Variants in FOXO3 observed in about 807,000 individuals in gnomAD.
The protein encoded by FOXO3 is forkhead box O3.
FOXO3 carries 4 observed loss-of-function variants against 41.9 expected under a neutral mutation model. The ratio of observed to expected loss-of-function variants is 0.10; its 90% CI spans 0.05 to 0.22. The LOEUF (loss-of-function observed/expected upper bound fraction) is 0.22, where lower values mean the gene tolerates loss of function less well. FOXO3 is among the 10% of genes least tolerant of loss of function. The pLI, the probability that FOXO3 is intolerant of heterozygous loss-of-function variation, is 1.00. For synonymous variants in FOXO3, 318 were observed against 389.3 expected (o/e 0.82, Z 2.16); for missense variants, 534 against 906.8 (o/e 0.59, Z 5.28).
At chr6:108,638,988 A>G (rs945245024) in intron 1 of FOXO3, among the ~76,000 whole-genome samples, 4 of 152,110 alleles carry the variant, frequency 2.6e-5, no homozygotes, top group South Asian at 2.1e-4. Flanking sequence ...GTCCTTTTCC[A>G]CTGCGGTGTC....
At chr6:108,588,535 C>G (rs1776648322) in intron 1 of FOXO3, among the ~76,000 whole-genome samples, 1 of 152,204 alleles carries the variant, frequency 6.6e-6, no homozygotes. Context: ...CGTGCAGACA[C>G]ACAGACCATG....
At chr6:108,614,136 T>A (rs192025029) in intron 1 of FOXO3, among the ~76,000 whole-genome samples, 1 of 152,260 alleles carries the variant, frequency 6.6e-6, no homozygotes, top group East Asian at 1.9e-4. Context: ...ATTGTCTATC[T>A]TATTGAATGT....
chr6:108,663,497 C>A lies in FOXO3; in HGVS notation c.664C>A (p.Arg222=), dbSNP rs1244425367. ...HNLSLHSRFM[R]VQNEGTGKSS... ...CCTGTCACTGCATAGTCGATTCATG[C>A]GGGTCCAGAATGAGGGAACTGGCAA... is the stretch of plus-strand genomic sequence containing the variant. Residue 222 remains arginine (R), a synonymous_variant, in exon 2 of 3, where the codon CGG becomes AGG. Coordinates refer to ENST00000406360, the MANE Select transcript of FOXO3 (RefSeq NM_001455.4). 3.7e-6 allele frequency: 6 copies of A among 1,607,356 alleles called. No homozygotes were observed. Among genetic ancestry groups the A allele is most frequent in the Non-Finnish European group, 4.2e-6 (5 of 1,176,686 alleles).
intron 2 of FOXO3, among the ~76,000 whole-genome samples, chr6:108,668,275 G>A (rs1270571652): frequency 6.6e-6 from 1 of 152,184 alleles, no homozygotes; most frequent in Non-Finnish European, 1.5e-5. Context: ...CTTCTCTGGC[G>A]GGCTGGGTGT....
chr6:108,659,953 A>T (rs1778795740), intron 1 of FOXO3, among the ~76,000 whole-genome samples: 1 of 152,220 alleles, frequency 6.6e-6, no homozygotes, highest in African/African-American at 2.4e-5. Context: ...ATGCTAAAGT[A>T]CATTTTAAAA....
At chr6:108,672,451 C>G (rs1226742719) in intron 2 of FOXO3, among the ~76,000 whole-genome samples, 1 of 152,144 alleles carries the variant, frequency 6.6e-6, no homozygotes, top group African/African-American at 2.4e-5. Flanking sequence ...AATACATCGC[C>G]CTGTAGAGCC....
chr6:108,613,972 A>T (rs1351296410), intron 1 of FOXO3, among the ~76,000 whole-genome samples: 2 of 152,136 alleles, frequency 1.3e-5, no homozygotes, highest in African/African-American at 4.8e-5. Context: ...TTTGGTCTGC[A>T]GTTTGTTTAG....
At chr6:108,595,192 T>G in intron 1 of FOXO3, among the ~76,000 whole-genome samples, 1 of 152,204 alleles carries the variant, frequency 6.6e-6, no homozygotes, top group Non-Finnish European at 1.5e-5. Context: ...TAAAACATTC[T>G]TATTTCTGTT....
chr6:108,664,349 C>G lies in FOXO3; in HGVS notation c.1516C>G (p.Arg506Gly). 6.2e-7 allele frequency: 1 copy of G among 1,611,404 alleles called. No homozygotes were observed. The highest frequency in any genetic ancestry group is 8.5e-7 in the Non-Finnish European group (1 of 1,178,098). ...CACCGCTGTGTCTGCCCAGAATTCCCGCCGGAACGTGATGCTTCGCAATGA... is the reference window on the plus strand; with the variant it reads ...CACCGCTGTGTCTGCCCAGAATTCCGGCCGGAACGTGATGCTTCGCAATGA... ...ASTAVSAQNS[R>G]RNVMLRNDPM... Residue 506 changes from arginine (R) to glycine (G), a missense_variant, in exon 2 of 3, where the codon CGC (arginine) becomes GGC (glycine). Physicochemically the swap from Arg to Gly is moderately radical, Grantham distance 125 (BLOSUM62 -2). Coordinates refer to ENST00000406360, the MANE Select transcript of FOXO3 (RefSeq NM_001455.4).
At chr6:108,585,190 C>T (rs551499380) in intron 1 of FOXO3, among the ~76,000 whole-genome samples, 47 of 151,940 alleles carry the variant, frequency 3.1e-4, no homozygotes, top group Non-Finnish European at 5.6e-4. Flanking sequence ...TACAGGCGCC[C>T]GCCACCGCGC....
intron 1 of FOXO3, among the ~76,000 whole-genome samples, chr6:108,652,400 C>G (rs1169023933): frequency 2.0e-5 from 3 of 152,194 alleles, no homozygotes; most frequent in South Asian, 2.1e-4. Context: ...TTTTCCATCC[C>G]TTTCATAAGC....
rs191695185 is a variant in FOXO3 at position 108,660,388 on chromosome 6, G to A, written c.622-3067G>A. ...ATATATAGTCTCCTGGGCAACATTT[G>A]CCTTATCAGATACTCAGCATGTTGC... On this transcript the variant is annotated intron_variant, in intron 1 of 2. Coordinates refer to ENST00000406360, the MANE Select transcript of FOXO3 (RefSeq NM_001455.4). Among the ~76,000 whole-genome samples, 5 of 152,284 alleles carry A rather than the reference G, an allele frequency of 3.3e-5. No individual in the cohort carries two copies. In the East Asian group the frequency reaches 9.6e-4, roughly 29 times the overall value.
chr6:108,600,210 C>T (rs1777006527), intron 1 of FOXO3, among the ~76,000 whole-genome samples: 1 of 152,088 alleles, frequency 6.6e-6, no homozygotes, highest in Non-Finnish European at 1.5e-5. Context: ...ATTGATGTTC[C>T]ATCGATATGA....
chr6:108,640,574 A>G (rs961342153), intron 1 of FOXO3, among the ~76,000 whole-genome samples: 1 of 152,176 alleles, frequency 6.6e-6, no homozygotes. Context: ...TGTTTTTTTA[A>G]TGCATCGTTT....
At chr6:108,578,431 CAA>C (rs986312350) in intron 1 of FOXO3, among the ~76,000 whole-genome samples, 5 of 152,194 alleles carry the variant, frequency 3.3e-5, no homozygotes, top group African/African-American at 1.2e-4. Flanking sequence ...TGAAATATAA[CAA>C]AGCTCTAGCC....
At chr6:108,594,688 C>T (rs1030447029) in intron 1 of FOXO3, among the ~76,000 whole-genome samples, 4 of 152,172 alleles carry the variant, frequency 2.6e-5, no homozygotes, top group African/African-American at 9.7e-5. Context: ...CTGGTCTTTC[C>T]GGACCCCTTG....
At chr6:108,665,008 G>A in intron 2 of FOXO3, 119 bp downstream of exon 2, 7 of 1,122,536 alleles carry the variant, frequency 6.2e-6, no homozygotes, top group African/African-American at 1.6e-5. Flanking sequence ...TGGAGCAGTG[G>A]TGCACATAAT....
At chr6:108,563,692 T>C (rs1775876261) in intron 1 of FOXO3, among the ~76,000 whole-genome samples, 1 of 152,262 alleles carries the variant, frequency 6.6e-6, no homozygotes. Context: ...GGAAGGCGTT[T>C]TCACCTTTCC....
intron 1 of FOXO3, among the ~76,000 whole-genome samples, chr6:108,567,680 C>G (rs1775983039): frequency 6.6e-6 from 1 of 152,084 alleles, no homozygotes. Flanking sequence ...GAGGCCAAGG[C>G]AGGAGGATTG....
Sources: gnomAD v4.1 joint callset for allele counts (sites outside exome capture counted in the v4.1 genomes callset) on GRCh38, gnomAD v4.1.1 for gene constraint, MANE v1.5 for transcripts, NCBI Gene and HGNC (gene_info 2026-07-23, HGNC 2026-07-21) for gene names.